The following TRAF4 variants were observed in gnomAD, a reference collection of about 807,000 sequenced individuals.
The protein encoded by TRAF4 is TNF receptor-associated factor 4.
Under a neutral mutation model 47.3 loss-of-function variants are expected in TRAF4, and 9 were observed. That is an observed-to-expected ratio of 0.19 (90% CI 0.11 to 0.33). The LOEUF is 0.33. Ranked by LOEUF, TRAF4 falls within the 10% of genes least tolerant of loss-of-function variation. The pLI, the probability that TRAF4 is intolerant of heterozygous loss-of-function variation, is 1.00. For synonymous variants in TRAF4, 236 were observed against 236.9 expected (o/e 1.00, Z 0.04); for missense variants, 448 against 620.3 (o/e 0.72, Z 2.95).
rs769351840 is a variant in TRAF4, at chr17:28,749,842, G to T, written c.*265G>T. The T allele has an allele frequency of 5.3e-5, 38 of 710,980 alleles. No homozygotes were observed. The highest frequency in any genetic ancestry group is 8.4e-5 in the Non-Finnish European group (33 of 393,462). 44.0% of individuals were successfully genotyped at this position (710,980 alleles called of 1,614,324 possible). A position where few individuals can be genotyped will look rare whatever the true frequency, so the allele number is the denominator to read the frequency against. On this transcript the variant is annotated 3_prime_UTR_variant, in exon 7 of 7. Transcript: ENST00000262395. ...CTCCCTTCTTGGGTAGGGCAGACAT[G>T]CCTTGGTGCCGGTCACACTCTACAC...
chr17:28,748,701 C>T (rs748489932), intron 6 of TRAF4, 35 bp downstream of exon 6: 2 of 1,598,824 alleles, frequency 1.3e-6, no homozygotes, highest in Non-Finnish European at 8.5e-7. Context: ...CCCCCTTTTG[C>T]CCTTGAAGCC....
chr17:28,747,584 A>G lies in TRAF4; in HGVS notation c.196-259A>G, dbSNP rs899109407. 7 of 583,488 alleles carry G rather than the reference A, an allele frequency of 1.2e-5. No homozygotes were observed. The Admixed American group carries it at 2.1e-4, about 18-fold the overall frequency. The allele number at this position is 583,488 out of a possible 1,614,324, so 36.1% of individuals were successfully genotyped here. ...CCCTCCACCAGGGGAAAGGAAGCAGAGCCCCAGGGACAGCCTGGGATTGAG... is the reference window on the plus strand; with the variant it reads ...CCCTCCACCAGGGGAAAGGAAGCAGGGCCCCAGGGACAGCCTGGGATTGAG... On this transcript the variant is annotated intron_variant, in intron 2 of 6. Transcript: ENST00000262395.
In TRAF4 at chr17:28,750,095, G is replaced by C; in HGVS notation, c.*518G>C. 1.8e-6 allele frequency: 1 copy of C among 564,642 alleles called. No homozygotes were observed. 35.0% of individuals were successfully genotyped at this position (564,642 alleles called of 1,614,324 possible). ...GTATTTATTAATTTGCTTCCAGCCT[G>C]ACTTACCTGGGTTGGTTAGGTCCCT... On this transcript the variant is annotated 3_prime_UTR_variant, in exon 7 of 7. Transcript: ENST00000262395.
Position 28,750,479 on chromosome 17 carries a change from A to C in TRAF4, c.*902A>C, listed in dbSNP as rs1202649357. ...TGTCAAGTGAAATACTTTTTAGCAC[A>C]GTAACTGGCTTTGTGGGCTCTAGAG... On this transcript the variant is annotated 3_prime_UTR_variant, in exon 7 of 7. Coordinates refer to ENST00000262395, the MANE Select transcript of TRAF4 (RefSeq NM_004295.4). 6.6e-6 allele frequency: 1 copy of C among 152,466 alleles called. No homozygotes were observed. Among genetic ancestry groups the C allele is most frequent in the Non-Finnish European group, 1.5e-5 (1 of 68,220 alleles). 9.4% of individuals were successfully genotyped at this position (152,466 alleles called of 1,614,324 possible).
rs888897788 is a variant in TRAF4, at chr17:28,750,764, A to T, written c.*1187A>T. The T allele has an allele frequency of 6.6e-6, 1 of 152,240 alleles. No homozygotes were observed. The highest frequency in any genetic ancestry group is 2.4e-5 in the African/African-American group (1 of 41,452). 9.4% of individuals were successfully genotyped at this position (152,240 alleles called of 1,614,324 possible). ...ATCAGTGATTCTTCCGCGGGTTCGG[A>T]CAGGGCCTCGATTCTGTTTTAAACT... is the stretch of plus-strand genomic sequence containing the variant. On this transcript the variant is annotated 3_prime_UTR_variant, in exon 7 of 7. Coordinates refer to ENST00000262395, the MANE Select transcript of TRAF4 (RefSeq NM_004295.4).
intron 2 of TRAF4, 36 bp from the exon 3 acceptor site, chr17:28,747,807 T>C: frequency 6.3e-7 from 1 of 1,595,664 alleles, no homozygotes; most frequent in Non-Finnish European, 8.5e-7. Context: ...TGCAGTCAGC[T>C]CTGACCCTGG....
In TRAF4 at chr17:28,748,588, C is replaced by A; in HGVS notation, c.702C>A (p.Asp234Glu). The stretch of plus-strand genomic sequence containing the variant: ...GTGTGGGCACTGTGGCTCGGGAGGA[C>A]CTGCCAGGCCATCTGAAGGACAGCT... Reference protein sequence around the residue: ...QCGVGTVAREDLPGHLKDSCN... With the variant: ...QCGVGTVAREELPGHLKDSCN... Residue 234 changes from aspartate (D) to glutamate (E), a missense_variant, in exon 6 of 7, where the codon GAC becomes GAA. By Grantham distance (45) the Asp-to-Glu change is conservative. Transcript: ENST00000262395. 1 of 1,613,230 alleles carries A rather than the reference C, an allele frequency of 6.2e-7. No homozygotes were observed. The highest frequency in any genetic ancestry group is 1.6e-4 in the Middle Eastern group (1 of 6,062).
intron 2 of TRAF4, 55 bp from the exon 3 acceptor site, chr17:28,747,775 TCTAGGGGTGGGAA>T: frequency 6.7e-7 from 1 of 1,494,136 alleles, no homozygotes; most frequent in Non-Finnish European, 9.1e-7. Flanking sequence ...CCCAGTTGGG[TCTAGGGGTGGGAA>T]CTGGGCACTG....
rs747597857 is a variant in TRAF4 at position 28,749,867 on chromosome 17, C to T, written c.*290C>T. ...GCCTTGGTGCCGGTCACACTCTACACGGACTGAGGTGCCTGCTCAGGTGCT... is the reference window on the plus strand; with the variant it reads ...GCCTTGGTGCCGGTCACACTCTACATGGACTGAGGTGCCTGCTCAGGTGCT... On this transcript the variant is annotated 3_prime_UTR_variant, in exon 7 of 7. Transcript: ENST00000262395. 8.5e-6 allele frequency: 6 copies of T among 703,894 alleles called. No homozygotes were observed. The highest frequency in any genetic ancestry group is 1.7e-5 in the African/African-American group (1 of 57,368). The allele number at this position is 703,894 out of a possible 1,614,324, so 43.6% of individuals were successfully genotyped here.
chr17:28,748,140 G>A lies in TRAF4; in HGVS notation c.424G>A (p.Glu142Lys), dbSNP rs983937266. 10 of 1,613,844 alleles carry A rather than the reference G, an allele frequency of 6.2e-6. No individual in the cohort carries two copies. The highest frequency in any genetic ancestry group is 5.0e-5 in the Admixed American group (3 of 60,000). ...CTGCCCCAAGCGGCGCCTCAAGTGCGAGTTTTGTGGCTGTGACTTCAGTGG... is the reference window on the plus strand; with the variant it reads ...CTGCCCCAAGCGGCGCCTCAAGTGCAAGTTTTGTGGCTGTGACTTCAGTGG... ...HDCPKRRLKC[E>K]FCGCDFSGEA... is the part of the protein sequence containing the mutation. The change falls in exon 4 of 7, where the codon GAG becomes AAG. Residue 142 changes from glutamate to lysine, a missense_variant. Physicochemically the swap from Glu to Lys is moderately conservative, Grantham distance 56 (BLOSUM62 1). Coordinates refer to ENST00000262395, the MANE Select transcript of TRAF4 (RefSeq NM_004295.4).
At position 28,748,510 on chromosome 17, in the gene TRAF4, G is replaced by T. The variant is rs1329014062; in HGVS notation, c.625-1G>T. On this transcript the variant is annotated splice_acceptor_variant, in intron 5 of 6. Coordinates refer to ENST00000262395, the MANE Select transcript of TRAF4 (RefSeq NM_004295.4). LOFTEE classifies it high-confidence loss of function. ...CTGCCTCTCTACTTCTGTGGCCCCA[G>T]AGCCACCAGTACCAGTGCCCAAGGC... The T allele has an allele frequency of 6.2e-7, 1 of 1,612,556 alleles. No homozygotes were observed. The highest frequency in any genetic ancestry group is 8.5e-7 in the Non-Finnish European group (1 of 1,179,344).
chr17:28,744,490 C>A (rs576683427), intron 1 of TRAF4, among the ~76,000 whole-genome samples: 2 of 152,228 alleles, frequency 1.3e-5, no homozygotes, highest in East Asian at 3.9e-4. Flanking sequence ...CGGAAGACCT[C>A]GGCGCCTTCT....
Position 28,748,919 on chromosome 17 carries a change from C to G in TRAF4, c.781-26C>G, listed in dbSNP as rs1393966943. The G allele has an allele frequency of 2.5e-6, 4 of 1,591,072 alleles. No homozygotes were observed. The African/African-American group carries it at 4.0e-5, about 16-fold the overall frequency. On this transcript the variant is annotated intron_variant, in intron 6 of 6. Coordinates refer to ENST00000262395, the MANE Select transcript of TRAF4 (RefSeq NM_004295.4). ...CCTACTGATAACTCTCCTCCCTTCC[C>G]CCATGGCCTGGGGCTTTGCCAACAG... is the stretch of plus-strand genomic sequence containing the variant.
At position 28,744,057 on chromosome 17, in the gene TRAF4, G is replaced by A; in HGVS notation, c.-56G>A. 2 of 1,232,776 alleles carry A rather than the reference G, an allele frequency of 1.6e-6. No individual in the cohort carries two copies. The highest frequency in any genetic ancestry group is 2.0e-6 in the Non-Finnish European group (2 of 977,974). 76.4% of individuals were successfully genotyped at this position (1,232,776 alleles called of 1,614,324 possible). A position where few individuals can be genotyped will look rare whatever the true frequency, so the allele number is the denominator to read the frequency against. On this transcript the variant is annotated 5_prime_UTR_variant, in exon 1 of 7. Coordinates refer to ENST00000262395, the MANE Select transcript of TRAF4 (RefSeq NM_004295.4). ...GGAGCGCCGCTCCAGCGAGGCGCGG[G>A]CTGTGGGGCCGCCGCGTGCCTGGCC...
intron 1 of TRAF4, among the ~76,000 whole-genome samples, chr17:28,745,869 C>T (rs929621051): frequency 1.3e-5 from 2 of 152,176 alleles, no homozygotes; most frequent in Non-Finnish European, 2.9e-5. Context: ...TCTGTCCCCT[C>T]CCTTTCTCCA....
At chr17:28,744,328 C>G (rs1306415864) in intron 1 of TRAF4, 73 bp downstream of exon 1, 1 of 1,468,602 alleles carries the variant, frequency 6.8e-7, no homozygotes, top group African/African-American at 1.4e-5. Context: ...GGTCTCGGGC[C>G]CGGGGCAAGG....
At position 28,746,403 on chromosome 17, in the gene TRAF4, C is replaced by T. The variant is rs865955905; in HGVS notation, c.144-810C>T. Among the ~76,000 whole-genome samples the T allele has an allele frequency of 9.2e-5, 14 of 152,298 alleles. No individual in the cohort carries two copies. In the Middle Eastern group the frequency reaches 0.017, roughly 185 times the overall value. ...AGGTAGGGTTTGGTGCAGGAGAAGG[C>T]GGGCAGCTAGCAGGAGGGGACGGTC... On this transcript the variant is annotated intron_variant, in intron 1 of 6. Transcript: ENST00000262395.
chr17:28,748,664 A>G lies in TRAF4; in HGVS notation c.778A>G (p.Arg260Gly). 6.2e-7 allele frequency: 1 copy of G among 1,609,854 alleles called. No homozygotes were observed. Among genetic ancestry groups the G allele is most frequent in the Non-Finnish European group, 8.5e-7 (1 of 1,179,828 alleles). The change falls in exon 6 of 7, where the codon AGG (arginine) becomes GGG (glycine). Residue 260 changes from arginine (R) to glycine (G), a missense_variant and splice_region_variant. Physicochemically the swap from Arg to Gly is moderately radical, Grantham distance 125. Transcript: ENST00000262395. ...ATTCAAAGACTCCGGCTGCAAGCAC[A>G]GGGTGAGATGCCCCTTTTCCTGTCA... ...CPFKDSGCKHRCPKLAMARHV... is the reference protein window; with the variant it reads ...CPFKDSGCKHGCPKLAMARHV...
rs753457546 is a variant in TRAF4, at chr17:28,747,828, C to A, written c.196-15C>A. ...CAGCTCTGACCCTGGCCAGTTCCCC[C>A]ATCCCTACCCCCAGATCTACCCAGA... On this transcript the variant is annotated splice_polypyrimidine_tract_variant and intron_variant, in intron 2 of 6. Transcript: ENST00000262395. 22 of 1,610,124 alleles carry A rather than the reference C, an allele frequency of 1.4e-5. No homozygotes were observed. The highest frequency in any genetic ancestry group is 1.9e-5 in the Non-Finnish European group (22 of 1,178,464).
Sources: gnomAD v4.1 joint callset for allele counts (sites outside exome capture counted in the v4.1 genomes callset) on GRCh38, gnomAD v4.1.1 for gene constraint, MANE v1.5 for transcripts, NCBI Gene and HGNC (gene_info 2026-07-23, HGNC 2026-07-21) for gene names.